Variants in UNC5D observed in about 807,000 individuals in gnomAD.
UNC5D encodes the protein unc-5 netrin receptor D.
In UNC5D, 39 loss-of-function variants were observed where a neutral mutation model predicts 105.4. The ratio of observed to expected loss-of-function variants is 0.37; its 90% CI spans 0.29 to 0.48. The LOEUF (loss-of-function observed/expected upper bound fraction) is 0.48, where lower values mean the gene tolerates loss of function less well. Ranked by LOEUF, UNC5D falls within the 20% of genes least tolerant of loss-of-function variation. UNC5D has a pLI of 0.98. For missense variants in UNC5D, 991 were observed against 1,202.4 expected (o/e 0.82, Z 2.60); for synonymous variants, 452 against 450.4 (o/e 1.00, Z -0.04).
At chr8:35,268,669 A>G (rs1805060730) in intron 1 of UNC5D, among the ~76,000 whole-genome samples, 1 of 152,132 alleles carries the variant, frequency 6.6e-6, no homozygotes, top group Non-Finnish European at 1.5e-5. Flanking sequence ...TTTACAATAT[A>G]ATAATAATAG....
At chr8:35,726,674 T>A in intron 10 of UNC5D, 145 bp downstream of exon 10, 4 of 1,268,906 alleles carry the variant, frequency 3.2e-6, no homozygotes, top group Non-Finnish European at 4.3e-6. Context: ...TCCACTTGAT[T>A]TACACAGCAA....
At chr8:35,549,952 CTT>C (rs5890821) in intron 2 of UNC5D, among the ~76,000 whole-genome samples, 38 of 125,490 alleles carry the variant, frequency 3.0e-4, no homozygotes, top group Admixed American at 5.0e-4. Context: ...TTTCTGAGTC[CTT>C]TTTTTTTTTT....
rs1282098298 is a variant in UNC5D, at chr8:35,645,913, TAG to T, written c.571-37632_571-37631del. Among the ~76,000 whole-genome samples the T allele has an allele frequency of 3.3e-5, 5 of 151,086 alleles. 1 individual carries two copies. The East Asian group carries it at 9.7e-4, about 29-fold the overall frequency. On this transcript the variant is annotated intron_variant, in intron 4 of 16. Transcript: ENST00000404895. The stretch of plus-strand genomic sequence containing the variant: ...GGAGTGAAGTCTGTGTGTGTTCCTT[TAG>T]ATTACACACACACACACACACTCCT...
intron 1 of UNC5D, among the ~76,000 whole-genome samples, chr8:35,392,549 G>C (rs1293615784): frequency 6.6e-6 from 1 of 152,132 alleles, no homozygotes; most frequent in Non-Finnish European, 1.5e-5. Context: ...CAATAAAATT[G>C]TGTCTCTCTA....
rs1437955797 is a variant in UNC5D at position 35,613,868 on chromosome 8, C to T, written c.570+18211C>T. Among the ~76,000 whole-genome samples, 7 of 152,138 alleles carry T rather than the reference C, an allele frequency of 4.6e-5. No homozygotes were observed. In the East Asian group the frequency reaches 1.3e-3, roughly 29 times the overall value. On this transcript the variant is annotated intron_variant, in intron 4 of 16. Transcript: ENST00000404895. ...TCTCAAAAACAAACAAACAAAAACC[C>T]TGCACATTTTGGTACCTATGCCATC...
At chr8:35,328,511 A>ATAGGCTAAAACTCTTT (rs1159768507) in intron 1 of UNC5D, among the ~76,000 whole-genome samples, 1 of 152,202 alleles carries the variant, frequency 6.6e-6, no homozygotes, top group African/African-American at 2.4e-5. Flanking sequence ...CCATCACGGC[A>ATAGGCTAAAACTCTTT]TAGGCTAAAA....
intron 1 of UNC5D, among the ~76,000 whole-genome samples, chr8:35,264,715 G>T (rs540347044): frequency 1.4e-5 from 2 of 145,310 alleles, no homozygotes; most frequent in East Asian, 3.9e-4. Context: ...GGGTGATGGA[G>T]CAAGACTCTG....
chr8:35,607,214 G>T (rs527663378), intron 4 of UNC5D, among the ~76,000 whole-genome samples: 2 of 152,316 alleles, frequency 1.3e-5, no homozygotes, highest in South Asian at 4.1e-4. Context: ...ACAAAATATA[G>T]ATGTATCAGA....
chr8:35,452,501 T>C (rs1808220718), intron 1 of UNC5D, among the ~76,000 whole-genome samples: 1 of 152,142 alleles, frequency 6.6e-6, no homozygotes, highest in South Asian at 2.1e-4. Context: ...CCTGACCTCG[T>C]CATCCACCCA....
intron 1 of UNC5D, among the ~76,000 whole-genome samples, chr8:35,499,985 T>C (rs1413263663): frequency 6.6e-6 from 1 of 152,196 alleles, no homozygotes. Context: ...AAATTGGGAA[T>C]AGTAAACATC....
intron 2 of UNC5D, among the ~76,000 whole-genome samples, chr8:35,563,205 C>A (rs763811093): frequency 2.6e-5 from 4 of 151,850 alleles, no homozygotes; most frequent in Non-Finnish European, 5.9e-5. Context: ...GTAGTATTGA[C>A]ATTTTAATAA....
intron 1 of UNC5D, among the ~76,000 whole-genome samples, chr8:35,504,089 T>C (rs1812150923): frequency 6.6e-6 from 1 of 152,178 alleles, no homozygotes; most frequent in Non-Finnish European, 1.5e-5. Flanking sequence ...TGAGGTATTC[T>C]ATGCAGGAGA....
intron 1 of UNC5D, among the ~76,000 whole-genome samples, chr8:35,413,292 T>TGTGTGTGTGTGTTG (rs56157732): frequency 2.5e-3 from 326 of 128,034 alleles, no homozygotes; most frequent in African/African-American, 6.2e-3. Flanking sequence ...TGTGTGTGTG[T>TGTGTGTGTGTGTTG]TGTGTGTGTG....
Position 35,587,997 on chromosome 8 carries a change from A to G in UNC5D, c.467-7557A>G, listed in dbSNP as rs546187588. Among the ~76,000 whole-genome samples, 20 of 84,338 alleles carry G rather than the reference A, an allele frequency of 2.4e-4. 1 individual carries two copies. In the South Asian group the frequency reaches 9.6e-3, roughly 40 times the overall value. 55.3% of individuals were successfully genotyped at this position (84,338 alleles called of 152,430 possible). A position where few individuals can be genotyped will look rare whatever the true frequency, so the allele number is the denominator to read the frequency against. On this transcript the variant is annotated intron_variant, in intron 3 of 16. Coordinates refer to ENST00000404895, the MANE Select transcript of UNC5D (RefSeq NM_080872.4). ...ATATATATATATATATATATATACT[A>G]ATCCCACACCAGTTGCTATTTTCAG...
intron 4 of UNC5D, among the ~76,000 whole-genome samples, chr8:35,681,406 C>A (rs1825656196): frequency 6.6e-6 from 1 of 152,158 alleles, no homozygotes; most frequent in African/African-American, 2.4e-5. Flanking sequence ...TTTTGTTCAC[C>A]TGGTTTTACC....
At chr8:35,385,323 G>T (rs149166175) in intron 1 of UNC5D, among the ~76,000 whole-genome samples, 2 of 152,026 alleles carry the variant, frequency 1.3e-5, no homozygotes, top group Admixed American at 6.6e-5. Context: ...CTGCCATTCC[G>T]CACACAAACT....
At chr8:35,611,932 A>T (rs1820713233) in intron 4 of UNC5D, among the ~76,000 whole-genome samples, 1 of 152,232 alleles carries the variant, frequency 6.6e-6, no homozygotes, top group Non-Finnish European at 1.5e-5. Context: ...AGTTCTCAAT[A>T]AACCCTGATT....
chr8:35,298,557 T>G (rs1025736064), intron 1 of UNC5D, among the ~76,000 whole-genome samples: 1 of 150,766 alleles, frequency 6.6e-6, no homozygotes, highest in Non-Finnish European at 1.5e-5. Flanking sequence ...ATTGATTACT[T>G]AGGCTTTTAA....
intron 1 of UNC5D, among the ~76,000 whole-genome samples, chr8:35,302,563 A>C (rs1397116431): frequency 3.3e-5 from 5 of 152,224 alleles, no homozygotes. Flanking sequence ...ATGATAGACC[A>C]AAGAGAGTAG....
Sources: allele counts gnomAD v4.1 joint callset (sites outside exome capture counted in the v4.1 genomes callset), GRCh38; gene constraint gnomAD v4.1.1; transcripts MANE v1.5; gene names NCBI Gene and HGNC (gene_info 2026-07-23, HGNC 2026-07-21).